CHLSN: variants seen among roughly 807,000 people sequenced by gnomAD.
CHLSN encodes cholesin.
chr7:1,000,929 C>T, the CHLSN span, among the ~76,000 whole-genome samples: 2 of 152,218 alleles, frequency 1.3e-5, no homozygotes, highest in African/African-American at 4.8e-5. Context: ...GTATTTTCTA[C>T]ATGAAAATGG....
At chr7:1,091,727 A>G in the CHLSN span, 7 of 1,524,284 alleles carry the variant, frequency 4.6e-6, no homozygotes. Flanking sequence ...CGGTGCAGAG[A>G]CATGGATGTG....
At chr7:1,114,776 C>T in the CHLSN span, among the ~76,000 whole-genome samples, 235 of 152,366 alleles carry the variant, frequency 1.5e-3, no homozygotes, top group African/African-American at 4.3e-3. Context: ...GAGGGTGGCC[C>T]GGGAGCCATT....
the CHLSN span, among the ~76,000 whole-genome samples, chr7:1,019,493 C>G: frequency 3.1e-4 from 47 of 152,346 alleles, no homozygotes; most frequent in African/African-American, 1.1e-3. Context: ...TCACAGCTCC[C>G]GGCAGAAATG....
At chr7:1,130,120 C>T in the CHLSN span, among the ~76,000 whole-genome samples, 1 of 152,128 alleles carries the variant, frequency 6.6e-6, no homozygotes, top group Non-Finnish European at 1.5e-5. Flanking sequence ...GAGCAGGCCA[C>T]GTATGAGGGT....
chr7:1,103,700 G>T, the CHLSN span, among the ~76,000 whole-genome samples: 82 of 152,274 alleles, frequency 5.4e-4, no homozygotes, highest in African/African-American at 1.9e-3. Flanking sequence ...AACCAACAGC[G>T]ACGTCCCCAC....
the CHLSN span, among the ~76,000 whole-genome samples, chr7:1,052,151 C>A: frequency 6.6e-6 from 1 of 152,276 alleles, no homozygotes. This position sits in a 1 kb window ranked among gnomAD's most constrained non-coding sequence, Gnocchi z 4.2. Flanking sequence ...CAGCCCCTCC[C>A]CTCCTGGCCC....
the CHLSN span, among the ~76,000 whole-genome samples, chr7:1,108,432 G>A: frequency 3.3e-5 from 5 of 152,114 alleles, no homozygotes; most frequent in East Asian, 3.9e-4. Flanking sequence ...TCTCCTTGGC[G>A]GGCCCTGTGG....
At chr7:1,102,849 T>C in the CHLSN span, among the ~76,000 whole-genome samples, 3 of 152,208 alleles carry the variant, frequency 2.0e-5, no homozygotes, top group African/African-American at 7.2e-5. Flanking sequence ...AATCAGGGGC[T>C]TCAGTAAGAA....
chr7:1,098,258 C>T, the CHLSN span, among the ~76,000 whole-genome samples: 6 of 152,196 alleles, frequency 3.9e-5, no homozygotes, highest in African/African-American at 1.4e-4. Context: ...CAAACGTTAT[C>T]CACTCCACGC....
At chr7:1,109,966 T>G in the CHLSN span, among the ~76,000 whole-genome samples, 7 of 152,156 alleles carry the variant, frequency 4.6e-5, no homozygotes, top group African/African-American at 1.7e-4. Context: ...CGCCGGGCCG[T>G]GGGCTGCGTC....
the CHLSN span, among the ~76,000 whole-genome samples, chr7:1,011,227 CACAG>C: frequency 1.3e-5 from 2 of 149,552 alleles, no homozygotes; most frequent in South Asian, 2.1e-4. Flanking sequence ...TACCCACACC[CACAG>C]ACACCCACAT....
the CHLSN span, among the ~76,000 whole-genome samples, chr7:1,126,371 A>G: frequency 6.7e-6 from 1 of 150,240 alleles, no homozygotes; most frequent in Non-Finnish European, 1.5e-5. Flanking sequence ...AAAAAAAAAA[A>G]AAAAAAAAAA....
At chr7:1,066,473 C>G in the CHLSN span, among the ~76,000 whole-genome samples, 1 of 152,236 alleles carries the variant, frequency 6.6e-6, no homozygotes, top group Non-Finnish European at 1.5e-5. Context: ...CAGCCTTTCC[C>G]TTCCCTACAA....
chr7:1,081,275 G>A, the CHLSN span, among the ~76,000 whole-genome samples: 2 of 152,208 alleles, frequency 1.3e-5, no homozygotes, highest in Non-Finnish European at 2.9e-5. Flanking sequence ...GACTGACCTT[G>A]CCAGGCTGGG....
At chr7:1,135,675 G>A in the CHLSN span, among the ~76,000 whole-genome samples, 4 of 150,874 alleles carry the variant, frequency 2.7e-5, no homozygotes, top group African/African-American at 9.8e-5. Flanking sequence ...GCTGAGGCAG[G>A]AGAATCGTTT....
chr7:1,134,199 G>A, the CHLSN span, among the ~76,000 whole-genome samples: 1 of 138,600 alleles, frequency 7.2e-6, no homozygotes, highest in South Asian at 2.3e-4. Flanking sequence ...CTTGAGCCTA[G>A]GAGTTCAAGG....
the CHLSN span, among the ~76,000 whole-genome samples, chr7:1,103,772 T>C: frequency 3.3e-5 from 5 of 152,176 alleles, no homozygotes; most frequent in South Asian, 1.0e-3. Flanking sequence ...CCCCAGCCCC[T>C]GAGACGGGTC....
chr7:1,091,137 C>G, the CHLSN span, among the ~76,000 whole-genome samples: 2 of 152,238 alleles, frequency 1.3e-5, no homozygotes, highest in Non-Finnish European at 2.9e-5. Flanking sequence ...GAAAAACACC[C>G]CTGCCTGTGG....
At chr7:1,028,654 C>A in the CHLSN span, 2 of 933,974 alleles carry the variant, frequency 2.1e-6, no homozygotes, top group Non-Finnish European at 1.3e-6. Flanking sequence ...ACCGCCCCCA[C>A]CCAGCCCCTA....
Sources: gnomAD v4.1 joint callset for allele counts (sites outside exome capture counted in the v4.1 genomes callset) on GRCh38, gnomAD v4.1.1 for gene constraint, Gnocchi (gnomAD v3.1) non-coding constraint, MANE v1.5 for transcripts, NCBI Gene and HGNC (gene_info 2026-07-23, HGNC 2026-07-21) for gene names.